Variants in RNF175 observed in about 807,000 individuals in gnomAD.
The protein encoded by RNF175 is ring finger protein 175.
RNF175 carries 38 observed loss-of-function variants against 50.0 expected under a neutral mutation model. That is an observed-to-expected ratio of 0.76 (90% CI 0.59 to 1.00). The LOEUF (loss-of-function observed/expected upper bound fraction) is 1.00. Ranked by LOEUF, RNF175 falls within the 50% of genes least tolerant of loss-of-function variation. The probability of loss-of-function intolerance (pLI) is 0.00; values close to 1 mark genes in which losing one functional copy is unlikely to be tolerated. For synonymous variants in RNF175, 155 were observed against 146.1 expected (o/e 1.06, Z -0.44); for missense variants, 388 against 409.6 (o/e 0.95, Z 0.46).
At chr4:153,711,553 A>C (rs1202954977) in intron 8 of RNF175, among the ~76,000 whole-genome samples, 1 of 152,250 alleles carries the variant, frequency 6.6e-6, no homozygotes, top group East Asian at 1.9e-4. Flanking sequence ...GGGAGCAGGA[A>C]GCAAGGAAGG....
chr4:153,751,916 A>G (rs1740310699), intron 1 of RNF175, among the ~76,000 whole-genome samples: 1 of 152,234 alleles, frequency 6.6e-6, no homozygotes, highest in Non-Finnish European at 1.5e-5. Context: ...TATCATTTCC[A>G]AGTTCAAAGT....
At chr4:153,748,444 C>G (rs1055305384) in intron 3 of RNF175, 2 of 469,742 alleles carry the variant, frequency 4.3e-6, no homozygotes, top group Non-Finnish European at 7.4e-6. Context: ...CTTTTCACCC[C>G]CCACAAGTCT....
intron 3 of RNF175, among the ~76,000 whole-genome samples, chr4:153,746,924 GC>G (rs1740006781): frequency 6.6e-6 from 1 of 152,236 alleles, no homozygotes; most frequent in African/African-American, 2.4e-5. Context: ...ACCTTCCAGA[GC>G]CACAGGTTGA....
At chr4:153,711,816 T>A (rs549439170) in intron 8 of RNF175, among the ~76,000 whole-genome samples, 7 of 152,342 alleles carry the variant, frequency 4.6e-5, no homozygotes, top group East Asian at 1.9e-4. Context: ...GCGACCTTAA[T>A]GTGACTTGAA....
intron 6 of RNF175, among the ~76,000 whole-genome samples, chr4:153,716,183 T>C (rs745869033): frequency 6.6e-6 from 1 of 152,104 alleles, no homozygotes; most frequent in Admixed American, 6.6e-5. Flanking sequence ...CAAAAACTCA[T>C]TGAATTCCAA....
chr4:153,723,922 C>T lies in RNF175; in HGVS notation c.402-464G>A, dbSNP rs1431390397. 4.6e-5 allele frequency among the ~76,000 whole-genome samples: 7 copies of T among 152,158 alleles called. No homozygotes were observed. The East Asian group carries it at 1.3e-3, about 29-fold the overall frequency. ...TTTCTTCCCTCTTGTTCTGTTGCCC[C>T]TTTTCCCCCAGCCCCAGTGCAGATA... is the stretch of plus-strand genomic sequence containing the variant. On this transcript the variant is annotated intron_variant, in intron 4 of 8. Transcript: ENST00000347063.
chr4:153,722,774 A>T (rs1738424636), intron 5 of RNF175, among the ~76,000 whole-genome samples: 1 of 152,094 alleles, frequency 6.6e-6, no homozygotes, highest in Non-Finnish European at 1.5e-5. Flanking sequence ...AGTCAAAAAA[A>T]AAAAACACAA....
chr4:153,715,137 G>T, intron 7 of RNF175: 1 of 295,974 alleles, frequency 3.4e-6, no homozygotes, highest in African/African-American at 2.2e-5. Flanking sequence ...GCTCCACTTG[G>T]ATAGTCTTAA....
intron 1 of RNF175, among the ~76,000 whole-genome samples, chr4:153,754,282 A>G (rs1170489840): frequency 1.3e-5 from 2 of 152,164 alleles, no homozygotes; most frequent in Non-Finnish European, 2.9e-5. Flanking sequence ...TGGGGAGAAG[A>G]AAAAGAATAG....
intron 5 of RNF175, among the ~76,000 whole-genome samples, chr4:153,722,719 CA>C (rs1365503518): frequency 8.6e-5 from 13 of 151,474 alleles, no homozygotes; most frequent in Non-Finnish European, 1.8e-4. Context: ...AATGTAAATA[CA>C]ACCACAAATA....
intron 3 of RNF175, among the ~76,000 whole-genome samples, chr4:153,737,951 A>C (rs888709356): frequency 1.3e-5 from 2 of 152,216 alleles, no homozygotes. Context: ...CAGTTCTATC[A>C]GTTTTTGTCT....
chr4:153,751,417 T>TA (rs1047069110), intron 2 of RNF175, 21 bp downstream of exon 2: 1 of 1,500,952 alleles, frequency 6.7e-7, no homozygotes, highest in Non-Finnish European at 9.0e-7. Flanking sequence ...AAACAACTCT[T>TA]AAAAAATACT....
intron 7 of RNF175, 49 bp from the exon 8 acceptor site, chr4:153,712,625 G>C (rs748063259): frequency 8.5e-7 from 1 of 1,176,248 alleles, no homozygotes; most frequent in Admixed American, 1.8e-5. Flanking sequence ...GGCAATGTCT[G>C]GTTCATGATG....
chr4:153,711,058 A>G (rs934329022), intron 8 of RNF175, among the ~76,000 whole-genome samples: 10 of 152,196 alleles, frequency 6.6e-5, no homozygotes, highest in African/African-American at 2.2e-4. Context: ...AAAGAGTAGT[A>G]TATGTTTTAT....
At position 153,749,607 on chromosome 4, in the gene RNF175, G is replaced by A. The variant is rs143258606; in HGVS notation, c.105-821C>T. On this transcript the variant is annotated intron_variant, in intron 2 of 8. Transcript: ENST00000347063. ...GGATGCTTAGTTTTGCACAATTGTA[G>A]AGAAAATCAACAAAATAGTTTGTCA... 6.7e-4 allele frequency among the ~76,000 whole-genome samples: 102 copies of A among 152,316 alleles called. 2 individuals carry two copies. In the East Asian group the frequency reaches 0.013, roughly 20 times the overall value.
intron 3 of RNF175, among the ~76,000 whole-genome samples, chr4:153,746,936 G>A (rs988849820): frequency 2.0e-5 from 3 of 152,228 alleles, no homozygotes; most frequent in Non-Finnish European, 2.9e-5. Context: ...CACAGGTTGA[G>A]CTGCACCTGG....
At chr4:153,748,122 C>T (rs1272861896) in intron 3 of RNF175, among the ~76,000 whole-genome samples, 6 of 152,142 alleles carry the variant, frequency 3.9e-5, no homozygotes, top group Admixed American at 3.9e-4. Flanking sequence ...CTTATTAGGC[C>T]CCACCTCCCA....
intron 6 of RNF175, among the ~76,000 whole-genome samples, chr4:153,717,534 A>AACACAC (rs61710163): frequency 0.16 from 23,312 of 149,676 alleles, 1,883 homozygotes; most frequent in Middle Eastern, 0.24. Flanking sequence ...TACACACACA[A>AACACAC]ACACACACAC....
At chr4:153,736,057 G>A (rs995837599) in intron 3 of RNF175, among the ~76,000 whole-genome samples, 1 of 152,288 alleles carries the variant, frequency 6.6e-6, no homozygotes, top group African/African-American at 2.4e-5. Context: ...TTATCTTAGA[G>A]GGAAATCATC....
Sources: allele counts gnomAD v4.1 joint callset (sites outside exome capture counted in the v4.1 genomes callset), GRCh38; gene constraint gnomAD v4.1.1; transcripts MANE v1.5; gene names NCBI Gene and HGNC (gene_info 2026-07-23, HGNC 2026-07-21).